The following AMZ1 variants were observed in gnomAD, a reference collection of about 807,000 sequenced individuals.
AMZ1 encodes archaelysin family metallopeptidase 1.
A neutral mutation model predicts 29.9 loss-of-function variants in AMZ1; 39 were observed. The observed-to-expected ratio is 1.30, with a 90% CI of 1.01 to 1.70. The LOEUF (loss-of-function observed/expected upper bound fraction) is 1.70. AMZ1 is among the 40% of genes most tolerant of loss of function. AMZ1 has a pLI of 0.00. For synonymous variants in AMZ1, 458 were observed against 304.0 expected (o/e 1.51, Z -5.27); for missense variants, 1,041 against 680.6 (o/e 1.53, Z -5.89).
chr7:2,702,945 G>T, intron 3 of AMZ1, 56 bp downstream of exon 3: 1 of 1,508,104 alleles, frequency 6.6e-7, no homozygotes, highest in Non-Finnish European at 8.8e-7. Flanking sequence ...CTGGAAGGAA[G>T]AGGTGGGAGG....
chr7:2,734,223 C>A (rs2115293402), intron 4 of AMZ1, among the ~76,000 whole-genome samples: 1 of 152,326 alleles, frequency 6.6e-6, no homozygotes, highest in Non-Finnish European at 1.5e-5. Context: ...ACACACGGGG[C>A]ACGGGAGGAG....
chr7:2,725,821 C>T (rs78468528), intron 4 of AMZ1, among the ~76,000 whole-genome samples: 17,661 of 152,318 alleles, frequency 0.12, 1,160 homozygotes, highest in Middle Eastern at 0.18. Context: ...AAAACGATCA[C>T]GAGATTGAAA....
intron 4 of AMZ1, among the ~76,000 whole-genome samples, chr7:2,734,927 C>A (rs1790086234): frequency 6.6e-6 from 1 of 152,188 alleles, no homozygotes; most frequent in African/African-American, 2.4e-5. Context: ...AAGGGCCCGG[C>A]ACGACTGACC....
chr7:2,681,462 T>C (rs147393683), intron 1 of AMZ1, among the ~76,000 whole-genome samples: 1 of 152,086 alleles, frequency 6.6e-6, no homozygotes, highest in African/African-American at 2.4e-5. Context: ...TGTCTTGCTA[T>C]CCTGCCCAGG....
intron 1 of AMZ1, among the ~76,000 whole-genome samples, chr7:2,689,008 A>T (rs761836272): frequency 6.6e-6 from 1 of 152,220 alleles, no homozygotes; most frequent in African/African-American, 2.4e-5. Context: ...GAGAGAGAAC[A>T]GGAAGCCAAG....
At chr7:2,683,396 T>C (rs1206168062), upstream of AMZ1, among the ~76,000 whole-genome samples, 1 of 152,158 alleles carries the variant, frequency 6.6e-6, no homozygotes, top group African/African-American at 2.4e-5. Flanking sequence ...CCTCTGTGTC[T>C]CTGTGTCTTC....
At chr7:2,744,059 G>GGCCT (rs1339537688) in intron 4 of AMZ1, among the ~76,000 whole-genome samples, 2 of 152,346 alleles carry the variant, frequency 1.3e-5, no homozygotes, top group Non-Finnish European at 2.9e-5. Context: ...AGCTCAAGGA[G>GGCCT]GCCTGCCTGC....
In AMZ1 at chr7:2,714,602, G is replaced by C. The variant is rs1022519629; in HGVS notation, c.*1724G>C. 1.3e-5 allele frequency: 2 copies of C among 152,266 alleles called. No homozygotes were observed. The highest frequency in any genetic ancestry group is 1.9e-4 in the East Asian group (1 of 5,232). 9.4% of individuals were successfully genotyped at this position (152,266 alleles called of 1,614,324 possible). On this transcript the variant is annotated 3_prime_UTR_variant, in exon 7 of 7. Coordinates refer to ENST00000683327, the MANE Select transcript of AMZ1 (RefSeq NM_001384743.1). The stretch of plus-strand genomic sequence containing the variant: ...TGAAAGCCGGAGCCTGGTGGCTGTT[G>C]CTGCAAACAACCACCCAAAACTTAG...
chr7:2,706,620 AC>A (rs1788368412), intron 3 of AMZ1, among the ~76,000 whole-genome samples: 1 of 152,142 alleles, frequency 6.6e-6, no homozygotes, highest in South Asian at 2.1e-4. Context: ...CACAACTCCA[AC>A]CTCAGCCTTT....
intron 4 of AMZ1, among the ~76,000 whole-genome samples, chr7:2,753,915 CAT>C (rs1031034254): frequency 2.0e-5 from 3 of 152,128 alleles, no homozygotes; most frequent in Non-Finnish European, 4.4e-5. Context: ...AGGGAGAGCT[CAT>C]GTATGGGTTA....
chr7:2,709,583 T>A, intron 5 of AMZ1, 57 bp from the exon 6 acceptor site: 1 of 1,568,462 alleles, frequency 6.4e-7, no homozygotes. Flanking sequence ...TGCCTGGGGA[T>A]CTGCCGGATG....
At chr7:2,702,476 A>C in intron 2 of AMZ1, 1 of 531,930 alleles carries the variant, frequency 1.9e-6, no homozygotes, top group Non-Finnish European at 3.3e-6. Flanking sequence ...CCCTGAGCTC[A>C]TATGCGATTG....
chr7:2,735,794 C>A (rs1403930331), intron 4 of AMZ1, among the ~76,000 whole-genome samples: 1 of 152,156 alleles, frequency 6.6e-6, no homozygotes, highest in Non-Finnish European at 1.5e-5. Flanking sequence ...GTCAGGGCGG[C>A]CTCATCTCGA....
chr7:2,725,558 G>C (rs1173734838), intron 4 of AMZ1, among the ~76,000 whole-genome samples: 1 of 152,248 alleles, frequency 6.6e-6, no homozygotes, highest in African/African-American at 2.4e-5. Flanking sequence ...CCATAGGGCA[G>C]GTCTCAGTGA....
intron 4 of AMZ1, among the ~76,000 whole-genome samples, chr7:2,726,239 TC>T (rs1789610835): frequency 6.6e-6 from 1 of 152,062 alleles, no homozygotes; most frequent in Non-Finnish European, 1.5e-5. Context: ...AAACCCACCA[TC>T]CCCGCAATTC....
rs112918485 is a variant in AMZ1, at chr7:2,703,427, C to T, written c.472+538C>T. 8.5e-5 allele frequency among the ~76,000 whole-genome samples: 13 copies of T among 152,300 alleles called. 1 individual carries two copies. Among genetic ancestry groups the T allele is most frequent in the African/African-American group, 3.1e-4 (13 of 41,564 alleles). On this transcript the variant is annotated intron_variant, in intron 3 of 6. Coordinates refer to ENST00000683327, the MANE Select transcript of AMZ1 (RefSeq NM_001384743.1). ...AAGTGCTGGGATGACAGGCGTGAGT[C>T]ACCGTCACTGGCTTGAAATGAGCCC...
At chr7:2,759,136 T>G (rs1791436582) in intron 4 of AMZ1, among the ~76,000 whole-genome samples, 1 of 138,580 alleles carries the variant, frequency 7.2e-6, no homozygotes, top group Non-Finnish European at 1.6e-5. Flanking sequence ...CAAAACACTG[T>G]CTCAAAATAA....
chr7:2,686,225 C>T (rs554091279), upstream of AMZ1, among the ~76,000 whole-genome samples: 43 of 152,274 alleles, frequency 2.8e-4, 1 homozygote, highest in East Asian at 1.2e-3. Flanking sequence ...CAGTATGTGA[C>T]GTGAATCCCT....
intron 4 of AMZ1, among the ~76,000 whole-genome samples, chr7:2,732,642 C>T (rs984830533): frequency 2.6e-5 from 4 of 152,186 alleles, no homozygotes; most frequent in African/African-American, 9.7e-5. Context: ...AAACACCAAA[C>T]ACGGACATGA....
Sources: gnomAD v4.1 joint callset for allele counts (sites outside exome capture counted in the v4.1 genomes callset) on GRCh38, gnomAD v4.1.1 for gene constraint, MANE v1.5 for transcripts, NCBI Gene and HGNC (gene_info 2026-07-23, HGNC 2026-07-21) for gene names.